PFKFB3: variants seen among roughly 807,000 people sequenced by gnomAD.
PFKFB3 encodes the protein 6-phosphofructo-2-kinase/fructose-2,6-biphosphatase 3, also known as 6-phosphofructo-2-kinase/fructose-2,6-bisphosphatase 3.
In PFKFB3, 33 loss-of-function variants were observed where a neutral mutation model predicts 68.0. The observed-to-expected ratio is 0.49, with a 90% CI of 0.37 to 0.65. PFKFB3 has a LOEUF of 0.65. Among genes scored for constraint, PFKFB3 ranks in the 30% least tolerant of loss-of-function variants. PFKFB3 has a pLI of 0.00. For synonymous variants in PFKFB3, 315 were observed against 288.2 expected (o/e 1.09, Z -0.94); for missense variants, 586 against 712.2 (o/e 0.82, Z 2.02).
At chr10:6,149,691 G>T in intron 1 of PFKFB3, 1 of 159,784 alleles carries the variant, frequency 6.3e-6, no homozygotes. Context: ...TGGCTGATCT[G>T]GCTGGCTAGG....
Position 6,221,698 on chromosome 10 carries a change from G to A in PFKFB3, c.1036G>A (p.Ala346Thr). The change falls in exon 10 of 15, where the codon GCG becomes ACG. Residue 346 changes from alanine to threonine, a missense_variant. Ala to Thr is a moderately conservative substitution (Grantham distance 58). Transcript: ENST00000379775. ...CAGGGACACCTACCCTGAGGAGTATGCGCTGCGGGAGCAGGACAAGTACTA... is the reference window on the plus strand; with the variant it reads ...CAGGGACACCTACCCTGAGGAGTATACGCTGCGGGAGCAGGACAAGTACTA... The part of the protein sequence containing the change: ...EIRDTYPEEY[A>T]LREQDKYYYR... 2 of 1,610,284 alleles carry A rather than the reference G, an allele frequency of 1.2e-6. No homozygotes were observed. Among genetic ancestry groups the A allele is most frequent in the Middle Eastern group, 1.7e-4 (1 of 5,984 alleles).
chr10:6,190,408 G>T (rs1472552896), intron 1 of PFKFB3, among the ~76,000 whole-genome samples: 1 of 152,206 alleles, frequency 6.6e-6, no homozygotes, highest in Non-Finnish European at 1.5e-5. Context: ...TCTCCTACAT[G>T]CATTCATTCA....
Position 6,154,074 on chromosome 10 carries a change from C to G in PFKFB3, c.16+9061C>G, listed in dbSNP as rs1009356197. On this transcript the variant is annotated intron_variant, in intron 1 of 14. Transcript: ENST00000379789. The surrounding 1 kb of genome is among the most constrained non-coding windows in gnomAD (Gnocchi z 4.6). ...CAGAGCGGCTGAGTGCAGGAGGAACCTGCGGGCCAGCACCGCTTCTGCAGG... is the reference window on the plus strand; with the variant it reads ...CAGAGCGGCTGAGTGCAGGAGGAACGTGCGGGCCAGCACCGCTTCTGCAGG... Among the ~76,000 whole-genome samples, 4 of 152,112 alleles carry G rather than the reference C, an allele frequency of 2.6e-5. No individual in the cohort carries two copies. Among genetic ancestry groups the G allele is most frequent in the African/African-American group, 9.7e-5 (4 of 41,420 alleles).
In PFKFB3 at chr10:6,220,681, T is replaced by C. The variant is rs369033520; in HGVS notation, c.647T>C (p.Ile216Thr). ...CDRDLSLIKVIDVGRRFLVNR... is the reference protein window; with the variant it reads ...CDRDLSLIKVTDVGRRFLVNR... The stretch of plus-strand genomic sequence containing the variant: ...AGGGACTTGTCGCTGATCAAGGTGA[T>C]TGACGTGGGCCGGAGGTTCCTGGTG... The change falls in exon 8 of 15, where the codon ATT becomes ACT. Residue 216 changes from isoleucine to threonine, a missense_variant. Transcript: ENST00000379775. The surrounding 1 kb of genome is among the most constrained non-coding windows in gnomAD (Gnocchi z 4.1). The C allele has an allele frequency of 1.2e-6, 2 of 1,613,798 alleles. No individual in the cohort carries two copies. Among genetic ancestry groups the C allele is most frequent in the African/African-American group, 1.3e-5 (1 of 74,864 alleles).
At chr10:6,206,554 C>T (rs1213263767) in intron 1 of PFKFB3, among the ~76,000 whole-genome samples, 10 of 78,286 alleles carry the variant, frequency 1.3e-4, no homozygotes, top group East Asian at 8.1e-4. Context: ...CCTCACCTCC[C>T]GGACGGGGCG....
At chr10:6,194,096 T>C (rs1843103767) in intron 1 of PFKFB3, among the ~76,000 whole-genome samples, 2 of 152,284 alleles carry the variant, frequency 1.3e-5, no homozygotes, top group South Asian at 4.1e-4. Context: ...GTGGAAGAGA[T>C]GCTTAGACAG....
downstream of PFKFB3, among the ~76,000 whole-genome samples, chr10:6,235,789 CTG>C (rs901808725): frequency 4.8e-5 from 6 of 124,692 alleles, no homozygotes; most frequent in African/African-American, 1.8e-4. Flanking sequence ...TTTTTTGAGA[CTG>C]TTTCTCACTC....
rs1031347759 is a variant in PFKFB3 at position 6,150,929 on chromosome 10, G to C, written c.16+5916G>C. Among the ~76,000 whole-genome samples the C allele has an allele frequency of 4.6e-5, 7 of 152,316 alleles. No homozygotes were observed. The East Asian group carries it at 1.2e-3, about 25-fold the overall frequency. The stretch of plus-strand genomic sequence containing the variant: ...CAGGAGAACCGCTTGAACCTGGGGG[G>C]GCGGAGATTGCAGTGAGCCAAGATC... On this transcript the variant is annotated intron_variant, in intron 1 of 14. Coordinates refer to the PFKFB3 transcript ENST00000379789.
At chr10:6,161,486 TA>T (rs1254886865) in intron 1 of PFKFB3, among the ~76,000 whole-genome samples, 1 of 152,002 alleles carries the variant, frequency 6.6e-6, no homozygotes, top group African/African-American at 2.4e-5. Flanking sequence ...ATAAAAAATT[TA>T]AAAAATTATT....
At chr10:6,183,333 A>C (rs1842771479) in intron 1 of PFKFB3, among the ~76,000 whole-genome samples, 1 of 152,132 alleles carries the variant, frequency 6.6e-6, no homozygotes, top group South Asian at 2.1e-4. Flanking sequence ...CTCACAAATT[A>C]TCTCTAAAAC....
the PFKFB3 span, chr10:6,293,769 C>A: frequency 2.9e-6 from 1 of 346,656 alleles, no homozygotes. Context: ...CCTGTTTGAG[C>A]ACCTTGTGCA....
intron 1 of PFKFB3, among the ~76,000 whole-genome samples, chr10:6,209,797 C>G (rs930699893): frequency 2.8e-5 from 4 of 144,412 alleles, no homozygotes; most frequent in Admixed American, 2.1e-4. Context: ...CGGTGTCTCA[C>G]TCTGTCACCC....
chr10:6,257,106 A>G (rs1846501943), downstream of PFKFB3, among the ~76,000 whole-genome samples: 1 of 152,184 alleles, frequency 6.6e-6, no homozygotes, highest in African/African-American at 2.4e-5. Context: ...AGCATCATAA[A>G]TGAAGTGTTT....
At chr10:6,310,871 A>T in the PFKFB3 span, among the ~76,000 whole-genome samples, 1 of 152,194 alleles carries the variant, frequency 6.6e-6, no homozygotes, top group East Asian at 1.9e-4. Context: ...TCTACAATCT[A>T]CCCTAATAGT....
At chr10:6,200,032 AAACC>A (rs766553865), upstream of PFKFB3, among the ~76,000 whole-genome samples, 1 of 113,304 alleles carries the variant, frequency 8.8e-6, no homozygotes, top group Non-Finnish European at 1.9e-5. Context: ...AAACAAAAAC[AAACC>A]AACAAAACCA....
intron 1 of PFKFB3, among the ~76,000 whole-genome samples, chr10:6,189,837 T>C (rs1025379648): frequency 6.6e-6 from 1 of 151,986 alleles, no homozygotes; most frequent in African/African-American, 2.4e-5. Flanking sequence ...TATCACTTGC[T>C]TAAAGATGGT....
At chr10:6,156,179 G>A (rs952210592) in intron 1 of PFKFB3, among the ~76,000 whole-genome samples, 4 of 143,714 alleles carry the variant, frequency 2.8e-5, no homozygotes, top group African/African-American at 1.1e-4. Flanking sequence ...TTAGAGGCAG[G>A]GTTGTGATCT....
chr10:6,175,431 C>T (rs989940821), intron 1 of PFKFB3, among the ~76,000 whole-genome samples: 7 of 152,304 alleles, frequency 4.6e-5, no homozygotes, highest in East Asian at 1.9e-4. Context: ...GGAACTCATC[C>T]GAGTGTGGGG....
downstream of PFKFB3, among the ~76,000 whole-genome samples, chr10:6,238,793 C>T (rs1846080633): frequency 6.6e-6 from 1 of 152,106 alleles, no homozygotes; most frequent in South Asian, 2.1e-4. Flanking sequence ...TTATTTAGCT[C>T]CCACTTAAAT....
Sources: allele counts gnomAD v4.1 joint callset (sites outside exome capture counted in the v4.1 genomes callset), GRCh38; gene constraint gnomAD v4.1.1; non-coding constraint Gnocchi (gnomAD v3.1); transcripts MANE v1.5; gene names NCBI Gene and HGNC (gene_info 2026-07-23, HGNC 2026-07-21).